The following PAK5 variants were observed in gnomAD, a reference collection of about 807,000 sequenced individuals.
The protein encoded by PAK5 is serine/threonine-protein kinase PAK 5.
PAK5 carries 16 observed loss-of-function variants against 65.9 expected under a neutral mutation model. The observed-to-expected ratio is 0.24, with a 90% CI of 0.16 to 0.37. The LOEUF is 0.37. PAK5 is among the 10% of genes least tolerant of loss of function. PAK5 has a pLI of 1.00. For missense variants in PAK5, 785 were observed against 903.9 expected (o/e 0.87, Z 1.69); for synonymous variants, 371 against 354.9 (o/e 1.05, Z -0.51).
chr20:9,619,039 C>T (rs1600152700), intron 3 of PAK5, among the ~76,000 whole-genome samples: 1 of 147,466 alleles, frequency 6.8e-6, no homozygotes, highest in African/African-American at 2.5e-5. Context: ...CTTCCCACCT[C>T]AGCCTCCTGA....
intron 1 of PAK5, among the ~76,000 whole-genome samples, chr20:9,783,296 A>G (rs1435610063): frequency 6.6e-6 from 1 of 152,188 alleles, no homozygotes; most frequent in Non-Finnish European, 1.5e-5. Flanking sequence ...GAGTACTGAC[A>G]TAAGAGGCAC....
chr20:9,803,244 T>C (rs2049193430), intron 1 of PAK5, among the ~76,000 whole-genome samples: 1 of 151,940 alleles, frequency 6.6e-6, no homozygotes, highest in South Asian at 2.1e-4. Flanking sequence ...TTACTAGAAA[T>C]TGACATCCAG....
intron 1 of PAK5, among the ~76,000 whole-genome samples, chr20:9,715,423 T>C (rs2048131601): frequency 6.6e-6 from 1 of 152,068 alleles, no homozygotes; most frequent in Admixed American, 6.6e-5. Context: ...TGTGGAGAAA[T>C]AGGAACACTT....
At chr20:9,823,490 G>A (rs1050801781) in intron 1 of PAK5, among the ~76,000 whole-genome samples, 1 of 152,126 alleles carries the variant, frequency 6.6e-6, no homozygotes, top group Non-Finnish European at 1.5e-5. Context: ...TGTTCTCTTG[G>A]TAGTGAATAA....
chr20:9,744,516 G>C (rs1312612488), intron 1 of PAK5, among the ~76,000 whole-genome samples: 1 of 152,170 alleles, frequency 6.6e-6, no homozygotes, highest in East Asian at 1.9e-4. Context: ...TTAGTAAGTG[G>C]ATAAATGAGT....
chr20:9,657,263 G>A (rs141232256), intron 2 of PAK5, among the ~76,000 whole-genome samples: 10 of 152,216 alleles, frequency 6.6e-5, no homozygotes, highest in Admixed American at 4.6e-4. Context: ...ATCTGGGATG[G>A]TCCTGTTTCC....
At chr20:9,772,901 G>A (rs1395820418) in intron 1 of PAK5, among the ~76,000 whole-genome samples, 1 of 152,184 alleles carries the variant, frequency 6.6e-6, no homozygotes, top group Non-Finnish European at 1.5e-5. Flanking sequence ...GCACATGTTG[G>A]TTGAAAAATA....
At chr20:9,589,999 T>G (rs1167665404) in intron 3 of PAK5, among the ~76,000 whole-genome samples, 2 of 152,228 alleles carry the variant, frequency 1.3e-5, no homozygotes, top group Non-Finnish European at 2.9e-5. Context: ...ACAAATTTTT[T>G]TTTTTGAAGA....
At chr20:9,541,873 C>T (rs2045269787) in intron 9 of PAK5, among the ~76,000 whole-genome samples, 1 of 152,182 alleles carries the variant, frequency 6.6e-6, no homozygotes. Flanking sequence ...AAGTGTCTGG[C>T]ATTTCCCCTG....
intron 2 of PAK5, among the ~76,000 whole-genome samples, chr20:9,702,249 C>T (rs141810513): frequency 4.6e-5 from 7 of 152,246 alleles, no homozygotes; most frequent in African/African-American, 1.7e-4. Flanking sequence ...GAGAGTCAGT[C>T]CCTAGCGTGG....
At chr20:9,661,423 C>G (rs2047345126) in intron 2 of PAK5, among the ~76,000 whole-genome samples, 1 of 152,078 alleles carries the variant, frequency 6.6e-6, no homozygotes, top group Non-Finnish European at 1.5e-5. Context: ...TTTTTTCTTC[C>G]TTTCCCTGTT....
chr20:9,717,649 T>G (rs2048164982), intron 1 of PAK5, among the ~76,000 whole-genome samples: 1 of 152,230 alleles, frequency 6.6e-6, no homozygotes, highest in African/African-American at 2.4e-5. Context: ...GGACCAAGTC[T>G]CATTCTGTTG....
chr20:9,616,658 G>A (rs1454731374), intron 3 of PAK5, among the ~76,000 whole-genome samples: 1 of 152,164 alleles, frequency 6.6e-6, no homozygotes, highest in Non-Finnish European at 1.5e-5. Context: ...GTGGGATGTG[G>A]GGCTCTATGG....
At chr20:9,641,114 G>A in intron 3 of PAK5, among the ~76,000 whole-genome samples, 1 of 151,944 alleles carries the variant, frequency 6.6e-6, no homozygotes. Context: ...AGATACAAAG[G>A]TTCTCCACCT....
At chr20:9,823,675 T>C (rs939681777) in intron 1 of PAK5, among the ~76,000 whole-genome samples, 4 of 152,202 alleles carry the variant, frequency 2.6e-5, no homozygotes, top group African/African-American at 7.2e-5. Flanking sequence ...TTACCCAGTC[T>C]TGGGTATGTC....
intron 1 of PAK5, among the ~76,000 whole-genome samples, chr20:9,770,928 A>G (rs1235852550): frequency 6.6e-6 from 1 of 152,224 alleles, no homozygotes; most frequent in Non-Finnish European, 1.5e-5. Context: ...CAAACAACTC[A>G]GATAGAGCTG....
intron 3 of PAK5, among the ~76,000 whole-genome samples, chr20:9,623,954 C>T (rs962896741): frequency 6.6e-6 from 1 of 152,130 alleles, no homozygotes; most frequent in African/African-American, 2.4e-5. Flanking sequence ...GTGGGGAGTA[C>T]ACTGGTACCG....
At chr20:9,778,809 G>C (rs1437299915) in intron 1 of PAK5, among the ~76,000 whole-genome samples, 1 of 152,242 alleles carries the variant, frequency 6.6e-6, no homozygotes, top group South Asian at 2.1e-4. Context: ...TACATGCATA[G>C]TTTAATAAAT....
intron 1 of PAK5, among the ~76,000 whole-genome samples, chr20:9,759,794 G>A (rs1232898742): frequency 6.6e-6 from 1 of 152,136 alleles, no homozygotes; most frequent in African/African-American, 2.4e-5. Context: ...TCTCAGGAAT[G>A]TTGGGTCATG....
Sources: allele counts gnomAD v4.1 joint callset (sites outside exome capture counted in the v4.1 genomes callset), GRCh38; gene constraint gnomAD v4.1.1; transcripts MANE v1.5; gene names NCBI Gene and HGNC (gene_info 2026-07-23, HGNC 2026-07-21).